Variants in CADM2 observed in about 807,000 individuals in gnomAD.
CADM2 encodes the protein immunoglobulin superfamily member 4D.
In CADM2, 12 loss-of-function variants were observed where a neutral mutation model predicts 49.8. The ratio of observed to expected loss-of-function variants is 0.24; its 90% CI spans 0.15 to 0.39. The LOEUF is 0.39. Among genes scored for constraint, CADM2 ranks in the 10% least tolerant of loss-of-function variants. The pLI is 1.00. For missense variants in CADM2, 378 were observed against 492.3 expected (o/e 0.77, Z 2.20); for synonymous variants, 214 against 175.4 (o/e 1.22, Z -1.74).
chr3:85,255,085 A>G (rs917909179), intron 1 of CADM2, among the ~76,000 whole-genome samples: 2 of 152,240 alleles, frequency 1.3e-5, no homozygotes, highest in African/African-American at 2.4e-5. Flanking sequence ...TATCATTTGC[A>G]TAATAACCAC....
intron 1 of CADM2, among the ~76,000 whole-genome samples, chr3:85,437,857 A>G (rs1257546842): frequency 3.9e-5 from 6 of 151,996 alleles, no homozygotes; most frequent in African/African-American, 1.4e-4. Context: ...ATGTTGTTAT[A>G]AGTCACATAT....
At chr3:85,858,947 A>T (rs2075416005) in intron 3 of CADM2, among the ~76,000 whole-genome samples, 1 of 152,206 alleles carries the variant, frequency 6.6e-6, no homozygotes, top group Non-Finnish European at 1.5e-5. Flanking sequence ...ATCCCAAATG[A>T]GTGAGCTTAA....
chr3:86,013,433 A>G, intron 8 of CADM2: 1 of 1,571,318 alleles, frequency 6.4e-7, no homozygotes. Flanking sequence ...TCTTTACCCT[A>G]GATAACTTTC....
At chr3:85,704,000 A>AT (rs1432377512) in intron 1 of CADM2, among the ~76,000 whole-genome samples, 5 of 152,022 alleles carry the variant, frequency 3.3e-5, no homozygotes, top group African/African-American at 9.7e-5. Context: ...AGTTTTTAAT[A>AT]TTTTTTTGCT....
At chr3:85,855,527 G>T (rs1434462003) in intron 3 of CADM2, among the ~76,000 whole-genome samples, 2 of 147,674 alleles carry the variant, frequency 1.4e-5, no homozygotes, top group African/African-American at 4.9e-5. Flanking sequence ...ATTTATTTCA[G>T]TAAAAATGTC....
At chr3:85,996,767 G>A (rs943077137) in intron 8 of CADM2, among the ~76,000 whole-genome samples, 6 of 151,916 alleles carry the variant, frequency 3.9e-5, no homozygotes, top group African/African-American at 1.5e-4. Context: ...CAACCTTTTT[G>A]GAAACTTGTT....
intron 2 of CADM2, among the ~76,000 whole-genome samples, chr3:85,763,061 C>T (rs549371630): frequency 9.3e-4 from 141 of 152,196 alleles, no homozygotes; most frequent in Admixed American, 1.4e-3. Flanking sequence ...TTTATTAGAG[C>T]TTCCTGATAA....
intron 1 of CADM2, among the ~76,000 whole-genome samples, chr3:85,598,859 A>G (rs901813883): frequency 2.0e-3 from 191 of 97,280 alleles, no homozygotes; most frequent in African/African-American, 4.9e-3. Context: ...GTGTGTGTAT[A>G]TATATATATA....
At chr3:85,022,676 T>C (rs1423968164) in intron 1 of CADM2, among the ~76,000 whole-genome samples, 1 of 152,154 alleles carries the variant, frequency 6.6e-6, no homozygotes, top group Non-Finnish European at 1.5e-5. Flanking sequence ...TATTCTAGTG[T>C]GCATTTTTTT....
At chr3:85,986,373 A>G (rs1728109998) in intron 8 of CADM2, among the ~76,000 whole-genome samples, 1 of 152,108 alleles carries the variant, frequency 6.6e-6, no homozygotes, top group Non-Finnish European at 1.5e-5. Flanking sequence ...AGTAGAATAT[A>G]TCATCTTGAC....
chr3:85,204,704 C>T (rs1190904963), intron 1 of CADM2, among the ~76,000 whole-genome samples: 9 of 152,046 alleles, frequency 5.9e-5, no homozygotes. Context: ...TAGTTAAATA[C>T]CTGTGTTCTA....
chr3:86,014,824 A>G (rs1035882104), intron 8 of CADM2: 41 of 1,500,170 alleles, frequency 2.7e-5, no homozygotes, highest in African/African-American at 2.5e-4. Context: ...TCCACCATCT[A>G]TGAAGCCCTC....
At chr3:85,539,967 G>T (rs1275768599) in intron 1 of CADM2, among the ~76,000 whole-genome samples, 1 of 152,106 alleles carries the variant, frequency 6.6e-6, no homozygotes, top group Non-Finnish European at 1.5e-5. Flanking sequence ...GACTGGGGAT[G>T]ATAATGTCTG....
In CADM2 at chr3:85,156,635, A is replaced by T. The variant is rs1053401641; in HGVS notation, c.61+196967A>T. On this transcript the variant is annotated intron_variant, in intron 1 of 9. Transcript: ENST00000383699. The stretch of plus-strand genomic sequence containing the variant: ...CCCTAACTCATTTTATGAGGTCAGC[A>T]GCATCCTTCATGCTAAAAACTCTCA... Among the ~76,000 whole-genome samples the T allele has an allele frequency of 2.6e-5, 4 of 152,354 alleles. No individual in the cohort carries two copies. In the South Asian group the frequency reaches 8.3e-4, roughly 32 times the overall value.
chr3:85,069,711 T>A (rs2107468891), intron 1 of CADM2, among the ~76,000 whole-genome samples: 1 of 152,260 alleles, frequency 6.6e-6, no homozygotes. Context: ...CAGTATTATC[T>A]TTGATAAAAA....
chr3:85,817,145 G>A (rs149113040), intron 3 of CADM2, among the ~76,000 whole-genome samples: 14 of 152,234 alleles, frequency 9.2e-5, no homozygotes, highest in African/African-American at 2.4e-4. Flanking sequence ...AGGAGGTAGC[G>A]TTATTTTAGT....
intron 8 of CADM2, among the ~76,000 whole-genome samples, chr3:86,004,124 G>A (rs954258227): frequency 2.0e-5 from 3 of 151,830 alleles, no homozygotes; most frequent in Admixed American, 6.6e-5. Context: ...ATGAGGGATT[G>A]ATGGAGGAGA....
intron 2 of CADM2, among the ~76,000 whole-genome samples, chr3:85,773,964 C>T (rs946291031): frequency 6.6e-6 from 1 of 151,858 alleles, no homozygotes; most frequent in Non-Finnish European, 1.5e-5. Context: ...TCCAGGAAAG[C>T]ATAATCTTGT....
chr3:85,464,012 T>G (rs974848393), intron 1 of CADM2, among the ~76,000 whole-genome samples: 6 of 152,164 alleles, frequency 3.9e-5, no homozygotes, highest in African/African-American at 1.4e-4. Context: ...GTTTTTTAAG[T>G]GATCAATATG....
Sources: gnomAD v4.1 joint callset for allele counts (sites outside exome capture counted in the v4.1 genomes callset) on GRCh38, gnomAD v4.1.1 for gene constraint, MANE v1.5 for transcripts, NCBI Gene and HGNC (gene_info 2026-07-23, HGNC 2026-07-21) for gene names.